Variants in CBFA2T3 observed in about 807,000 individuals in gnomAD.
The protein encoded by CBFA2T3 is CBFA2/RUNX1 partner transcriptional co-repressor 3, also known as transcriptional corepressor CBFA2T3.
In CBFA2T3, 31 loss-of-function variants were observed where a neutral mutation model predicts 58.6. The observed-to-expected ratio is 0.53, with a 90% CI of 0.40 to 0.71. The LOEUF (loss-of-function observed/expected upper bound fraction) is 0.71. CBFA2T3 is among the 30% of genes least tolerant of loss of function. The pLI is 0.00. For missense variants in CBFA2T3, 1,076 were observed against 963.1 expected (o/e 1.12, Z -1.55); for synonymous variants, 531 against 421.9 (o/e 1.26, Z -3.17).
chr16:88,956,862 A>T (rs2142854092), intron 1 of CBFA2T3, among the ~76,000 whole-genome samples: 1 of 152,304 alleles, frequency 6.6e-6, no homozygotes, highest in East Asian at 1.9e-4. Flanking sequence ...CAGCAGCTGC[A>T]CCAAGCCCGG....
chr16:88,915,187 G>T, intron 1 of CBFA2T3, among the ~76,000 whole-genome samples: 1 of 135,336 alleles, frequency 7.4e-6, no homozygotes, highest in South Asian at 2.5e-4. Flanking sequence ...GGTGCCGCCA[G>T]GTGGTGGCGT....
chr16:88,967,868 G>A (rs936474638), intron 1 of CBFA2T3, among the ~76,000 whole-genome samples: 9 of 152,226 alleles, frequency 5.9e-5, no homozygotes, highest in Non-Finnish European at 1.3e-4. Context: ...GGGGGTCGGC[G>A]TGAGCTGTGT....
At chr16:88,927,758 C>T (rs1005693516) in intron 1 of CBFA2T3, among the ~76,000 whole-genome samples, 3 of 152,204 alleles carry the variant, frequency 2.0e-5, no homozygotes, top group African/African-American at 4.8e-5. Context: ...TCCGCCCGTG[C>T]GGACACCCGG....
At chr16:88,891,995 AC>A in intron 4 of CBFA2T3, 24 bp from the exon 5 acceptor site, 1 of 1,584,082 alleles carries the variant, frequency 6.3e-7, no homozygotes, top group Non-Finnish European at 8.7e-7. Flanking sequence ...AACCCACCTC[AC>A]ATCAGCACCG....
intron 1 of CBFA2T3, among the ~76,000 whole-genome samples, chr16:88,964,290 CT>C (rs768768051): frequency 2.6e-5 from 4 of 152,180 alleles, no homozygotes; most frequent in Admixed American, 6.5e-5. Context: ...GCCCCATGCC[CT>C]GCCTGCCTCC....
intron 3 of CBFA2T3, among the ~76,000 whole-genome samples, chr16:88,894,915 C>G (rs1324767853): frequency 6.6e-6 from 1 of 152,056 alleles, no homozygotes; most frequent in East Asian, 1.9e-4. Context: ...CCCTGGGCAG[C>G]CGGCAGGCAC....
intron 1 of CBFA2T3, among the ~76,000 whole-genome samples, chr16:88,929,051 A>C (rs1971184957): frequency 6.6e-6 from 1 of 152,040 alleles, no homozygotes; most frequent in South Asian, 2.1e-4. Context: ...ACTGGCCTTT[A>C]ATGGGTTCCA....
At chr16:88,914,414 G>A (rs964321347) in intron 1 of CBFA2T3, among the ~76,000 whole-genome samples, 12 of 152,242 alleles carry the variant, frequency 7.9e-5, no homozygotes, top group African/African-American at 2.9e-4. Context: ...TTGCAAAAAT[G>A]ATGTCACGGG....
intron 1 of CBFA2T3, among the ~76,000 whole-genome samples, chr16:88,952,633 TC>T (rs1972107197): frequency 1.3e-5 from 2 of 151,730 alleles, no homozygotes; most frequent in African/African-American, 4.8e-5. Context: ...CACACACCGC[TC>T]CCCTGCCCAG....
intron 1 of CBFA2T3, among the ~76,000 whole-genome samples, chr16:88,948,251 A>G (rs1326995065): frequency 1.3e-5 from 2 of 152,228 alleles, no homozygotes; most frequent in Non-Finnish European, 1.5e-5. Flanking sequence ...TCCCCCCTCA[A>G]TTCTGTTTCA....
At chr16:88,880,628 C>G (rs1969029692) in intron 10 of CBFA2T3, 92 bp downstream of exon 10, 1 of 1,061,956 alleles carries the variant, frequency 9.4e-7, no homozygotes, top group South Asian at 1.4e-5. Flanking sequence ...CAGAGAGAGA[C>G]AGAAGCTCTT....
At chr16:88,903,860 A>C (rs1014768471) in intron 1 of CBFA2T3, among the ~76,000 whole-genome samples, 1 of 152,116 alleles carries the variant, frequency 6.6e-6, no homozygotes, top group East Asian at 1.9e-4. Flanking sequence ...CCCTGTTTGG[A>C]CTTTCCAAAG....
At chr16:88,901,793 C>T (rs1025911300) in intron 1 of CBFA2T3, 137 bp from the exon 2 acceptor site, 8 of 725,290 alleles carry the variant, frequency 1.1e-5, no homozygotes, top group Non-Finnish European at 1.7e-5. Flanking sequence ...GGTGTCCTGA[C>T]AGGTGGCTGA....
At chr16:88,879,135 T>C in intron 11 of CBFA2T3, 135 bp downstream of exon 11, 1 of 727,766 alleles carries the variant, frequency 1.4e-6, no homozygotes, top group Non-Finnish European at 2.3e-6. Flanking sequence ...TGGGCGGGGA[T>C]GGCGTGCCTG....
At chr16:88,924,615 A>T (rs1971027543) in intron 1 of CBFA2T3, among the ~76,000 whole-genome samples, 1 of 152,188 alleles carries the variant, frequency 6.6e-6, no homozygotes, top group Admixed American at 6.5e-5. Flanking sequence ...GGCCCCTGCA[A>T]GGCAGCACAG....
At position 88,974,756 on chromosome 16, in the gene CBFA2T3, C is replaced by A. The variant is rs895300579; in HGVS notation, c.151+1901G>T. 2.0e-5 allele frequency among the ~76,000 whole-genome samples: 3 copies of A among 152,116 alleles called. No individual in the cohort carries two copies. The South Asian group carries it at 6.2e-4, about 31-fold the overall frequency. On this transcript the variant is annotated intron_variant, in intron 1 of 11. Transcript: ENST00000268679. ...GCCCTCAGGTCTGTCCAGGACCCCC[C>A]GCAGTTCCCATGCCCCCCATGGCCC...
chr16:88,971,776 G>T (rs1972662190), intron 1 of CBFA2T3, among the ~76,000 whole-genome samples: 1 of 152,180 alleles, frequency 6.6e-6, no homozygotes, highest in Non-Finnish European at 1.5e-5. Context: ...CTCCTCGGAG[G>T]AGCACTGGCC....
At position 88,886,136 on chromosome 16, in the gene CBFA2T3, G is replaced by A. The variant is rs972757530; in HGVS notation, c.718C>T (p.Leu240=). The change falls in exon 6 of 12, where the codon CTG becomes TTG. Residue 240 remains leucine, a synonymous_variant. Transcript: ENST00000268679. ...AGGAGCTCCCGCTGCAGCAAGGGCAGGTTTGCCTGTGGGGTGGGGAAGGAG... is the reference window on the plus strand; with the variant it reads ...AGGAGCTCCCGCTGCAGCAAGGGCAAGTTTGCCTGTGGGGTGGGGAAGGAG... ...PFVIPFLKAN[L]PLLQRELLHC... is the part of the protein sequence containing the mutation. The A allele has an allele frequency of 2.6e-6, 4 of 1,539,506 alleles. No individual in the cohort carries two copies. Among genetic ancestry groups the A allele is most frequent in the Admixed American group, 1.9e-5 (1 of 53,708 alleles).
At position 88,885,153 on chromosome 16, in the gene CBFA2T3, G is replaced by A. The variant is rs756838631; in HGVS notation, c.1010C>T (p.Thr337Ile). Residue 337 changes from threonine (T) to isoleucine (I), a missense_variant, in exon 7 of 12, where the codon ACA (threonine) becomes ATA (isoleucine). Thr to Ile is a moderately conservative substitution (Grantham distance 89, BLOSUM62 -1). Transcript: ENST00000268679. The surrounding 1 kb of genome is among the most constrained non-coding windows in gnomAD (Gnocchi z 5.3). Reference protein sequence around the residue: ...YSPSNGPPQPTPPPHYRLEDI... With the variant: ...YSPSNGPPQPIPPPHYRLEDI... ...CTCCAGGCGGTAGTGCGGCGGCGGT[G>A]TGGGCTGCGGTGGCCCGTTGCTGGG... The A allele has an allele frequency of 1.0e-4, 168 of 1,601,022 alleles. No homozygotes were observed. The Admixed American group carries it at 2.8e-3, about 26-fold the overall frequency.
Sources: allele counts gnomAD v4.1 joint callset (sites outside exome capture counted in the v4.1 genomes callset), GRCh38; gene constraint gnomAD v4.1.1; non-coding constraint Gnocchi (gnomAD v3.1); transcripts MANE v1.5; gene names NCBI Gene and HGNC (gene_info 2026-07-23, HGNC 2026-07-21).